The following TBXAS1 variants were observed in gnomAD, a reference collection of about 807,000 sequenced individuals.
TBXAS1 encodes thromboxane A synthase 1.
Under a neutral mutation model 60.7 loss-of-function variants are expected in TBXAS1, and 48 were observed. The observed-to-expected ratio is 0.79, with a 90% CI of 0.63 to 1.01. The LOEUF (loss-of-function observed/expected upper bound fraction) is 1.01, where lower values mean the gene tolerates loss of function less well. TBXAS1 is among the 50% of genes least tolerant of loss of function. The probability of loss-of-function intolerance (pLI) is 0.00; values close to 1 mark genes in which losing one functional copy is unlikely to be tolerated. For synonymous variants in TBXAS1, 287 were observed against 269.7 expected, an observed-to-expected ratio of 1.06 and a Z score of -0.63; for missense variants, 685 against 686.3, an observed-to-expected ratio of 1.00 and a Z score of 0.02.
intron 4 of TBXAS1, among the ~76,000 whole-genome samples, chr7:139,823,940 G>A (rs1341457056): frequency 6.6e-6 from 1 of 152,202 alleles, no homozygotes; most frequent in Non-Finnish European, 1.5e-5. Context: ...TCATGGCAAA[G>A]AGAATGTGCC....
intron 3 of TBXAS1, among the ~76,000 whole-genome samples, chr7:139,878,717 C>A (rs1166377446): frequency 1.3e-5 from 2 of 152,214 alleles, no homozygotes; most frequent in Non-Finnish European, 2.9e-5. Context: ...GCTCAATGAA[C>A]AGCAAAGACC....
At chr7:139,926,051 T>C (rs575246625) in intron 4 of TBXAS1, among the ~76,000 whole-genome samples, 1 of 152,306 alleles carries the variant, frequency 6.6e-6, no homozygotes, top group East Asian at 1.9e-4. Context: ...TTGTTAACGA[T>C]TTTTGCATCA....
intron 1 of TBXAS1, among the ~76,000 whole-genome samples, chr7:139,861,803 T>C (rs941513153): frequency 6.6e-6 from 1 of 152,234 alleles, no homozygotes; most frequent in East Asian, 1.9e-4. Flanking sequence ...TCAGTCTTGC[T>C]GGCCTGAAGT....
At chr7:139,840,708 ATT>A (rs1799376366) in intron 1 of TBXAS1, among the ~76,000 whole-genome samples, 1 of 152,190 alleles carries the variant, frequency 6.6e-6, no homozygotes, top group Non-Finnish European at 1.5e-5. Context: ...GGGTTGACGT[ATT>A]GTTTCCTTCA....
In TBXAS1 at chr7:139,875,637, G is replaced by A. The variant is rs1344897956; in HGVS notation, c.236G>A (p.Gly79Glu). 3 of 1,614,030 alleles carry A rather than the reference G, an allele frequency of 1.9e-6. No individual in the cohort carries two copies. The highest frequency in any genetic ancestry group is 2.5e-6 in the Non-Finnish European group (3 of 1,180,034). Residue 79 changes from glycine to glutamate, a missense_variant and splice_region_variant, in exon 3 of 13, where the codon GGG (glycine) becomes GAG (glutamate). Transcript: ENST00000448866. Reference sequence around the variant, plus strand: ...AGAAAGCTGTATGGACCTCTGTGTGGGTAAGAAGGAAACTCAACGTTTCTA... The same window carrying A: ...AGAAAGCTGTATGGACCTCTGTGTGAGTAAGAAGGAAACTCAACGTTTCTA... ...ELRKLYGPLC[G>E]YYLGRRMFIV...
intron 1 of TBXAS1, among the ~76,000 whole-genome samples, chr7:139,867,401 T>C (rs1192922344): frequency 2.0e-5 from 3 of 152,212 alleles, no homozygotes; most frequent in African/African-American, 7.2e-5. Context: ...TTCTGTTTTC[T>C]TTTGTTCCAA....
At chr7:139,966,473 C>T (rs1380302846) in intron 9 of TBXAS1, among the ~76,000 whole-genome samples, 2 of 152,180 alleles carry the variant, frequency 1.3e-5, no homozygotes. Flanking sequence ...CCAAGTTGTT[C>T]TCTCTCCCCA....
At chr7:140,016,194 G>A (rs1225918545) in intron 11 of TBXAS1, among the ~76,000 whole-genome samples, 11 of 152,126 alleles carry the variant, frequency 7.2e-5, no homozygotes, top group East Asian at 1.9e-4. Context: ...TGGGCGTGGT[G>A]GCGGGCGCCT....
chr7:139,939,125 G>C (rs1025804292), intron 5 of TBXAS1, among the ~76,000 whole-genome samples: 1 of 152,226 alleles, frequency 6.6e-6, no homozygotes, highest in Non-Finnish European at 1.5e-5. Flanking sequence ...AGCACTTTGG[G>C]AGGCCGAAGC....
At chr7:139,813,250 T>C (rs1798066256) in intron 4 of TBXAS1, among the ~76,000 whole-genome samples, 1 of 152,164 alleles carries the variant, frequency 6.6e-6, no homozygotes, top group Non-Finnish European at 1.5e-5. Flanking sequence ...GGACCTTTCG[T>C]ATTCGGCCTT....
Position 139,852,947 on chromosome 7 carries a change from C to T in TBXAS1, c.90-19288C>T, listed in dbSNP as rs1310770746. Among the ~76,000 whole-genome samples, 24 of 45,936 alleles carry T rather than the reference C, an allele frequency of 5.2e-4. No individual in the cohort carries two copies. Among genetic ancestry groups the T allele is most frequent in the African/African-American group, 3.8e-3 (24 of 6,328 alleles). 30.1% of individuals were successfully genotyped at this position (45,936 alleles called of 152,430 possible). The stretch of plus-strand genomic sequence containing the variant: ...TTGGCTACTCCAATACACACACACA[C>T]ACACACACACACACACACACACACA... On this transcript the variant is annotated intron_variant, in intron 1 of 12. Coordinates refer to ENST00000448866, the MANE Select transcript of TBXAS1 (RefSeq NM_001061.7). The surrounding 1 kb of genome is among the most constrained non-coding windows in gnomAD (Gnocchi z 4.4).
At chr7:139,863,833 G>A (rs143579455) in intron 1 of TBXAS1, among the ~76,000 whole-genome samples, 139 of 152,238 alleles carry the variant, frequency 9.1e-4, no homozygotes, top group Non-Finnish European at 1.6e-3. Context: ...GAAAAAGTTG[G>A]TGCTTTCAAA....
chr7:139,898,211 C>T (rs538302355), intron 3 of TBXAS1, among the ~76,000 whole-genome samples: 7 of 152,226 alleles, frequency 4.6e-5, no homozygotes, highest in South Asian at 2.1e-4. Flanking sequence ...AGCCTCCTGC[C>T]GCTTCCACAT....
chr7:139,810,130 G>A (rs569030741), intron 4 of TBXAS1, among the ~76,000 whole-genome samples: 2 of 150,444 alleles, frequency 1.3e-5, no homozygotes, highest in East Asian at 3.9e-4. Flanking sequence ...TCTGTTTCAC[G>A]GGCTCAATCA....
intron 4 of TBXAS1, among the ~76,000 whole-genome samples, chr7:139,931,380 C>T (rs554919779): frequency 6.6e-6 from 1 of 152,304 alleles, no homozygotes; most frequent in East Asian, 1.9e-4. Flanking sequence ...TCTGCAGAGT[C>T]CCCTTCCTGC....
At chr7:139,886,888 G>A (rs191605004) in intron 3 of TBXAS1, among the ~76,000 whole-genome samples, 111 of 152,244 alleles carry the variant, frequency 7.3e-4, no homozygotes, top group African/African-American at 2.5e-3. Context: ...AGCCTTCTCT[G>A]CTAGAGTTTT....
intron 2 of TBXAS1, 124 bp from the exon 3 acceptor site, chr7:139,875,461 C>A: frequency 1.2e-6 from 1 of 842,938 alleles, no homozygotes; most frequent in Non-Finnish European, 2.0e-6. Flanking sequence ...AGCAATATAA[C>A]TTCCATTCTT....
At chr7:139,951,791 GAAAGAAAGAAAAAGAAAC>G (rs1217151766) in intron 5 of TBXAS1, among the ~76,000 whole-genome samples, 10 of 39,992 alleles carry the variant, frequency 2.5e-4, no homozygotes, top group Admixed American at 7.0e-4. Context: ...AAAAAAGAAA[GAAAGAAAGAAAAAGAAAC>G]AAAGAAGAAG....
intron 9 of TBXAS1, among the ~76,000 whole-genome samples, chr7:139,971,981 G>GT (rs1441474997): frequency 3.3e-5 from 5 of 152,182 alleles, no homozygotes; most frequent in Admixed American, 1.3e-4. Context: ...CCAGAAGCCT[G>GT]TAAGTGCACA....
Sources: allele counts gnomAD v4.1 joint callset (sites outside exome capture counted in the v4.1 genomes callset), GRCh38; gene constraint gnomAD v4.1.1; non-coding constraint Gnocchi (gnomAD v3.1); transcripts MANE v1.5; gene names NCBI Gene and HGNC (gene_info 2026-07-23, HGNC 2026-07-21).